The following GNE variants were observed in gnomAD, a reference collection of about 807,000 sequenced individuals.
GNE encodes the protein glucosamine (UDP-N-acetyl)-2-epimerase/N-acetylmannosamine kinase.
Under a neutral mutation model 61.8 loss-of-function variants are expected in GNE, and 41 were observed. That is an observed-to-expected ratio of 0.66 (90% CI 0.52 to 0.86). The LOEUF is 0.86. Ranked by LOEUF, GNE falls within the 40% of genes least tolerant of loss-of-function variation. The pLI is 0.00. For synonymous variants in GNE, 264 were observed against 326.4 expected (o/e 0.81, Z 2.06); for missense variants, 608 against 909.1 (o/e 0.67, Z 4.26).
At chr9:36,245,459 C>T (rs754013134) in intron 3 of GNE, among the ~76,000 whole-genome samples, 3 of 151,714 alleles carry the variant, frequency 2.0e-5, no homozygotes, top group Non-Finnish European at 2.9e-5. Flanking sequence ...CCAAGGTGGG[C>T]GGATCACTTG....
intron 1 of GNE, among the ~76,000 whole-genome samples, chr9:36,270,516 C>CTTTTT (rs1172459956): frequency 4.6e-5 from 6 of 131,676 alleles, no homozygotes; most frequent in Non-Finnish European, 6.4e-5. Flanking sequence ...GGATTTCTTT[C>CTTTTT]TTTTTTTTTT....
Position 36,246,419 on chromosome 9 carries a change from CACA to C in GNE, c.225_227del (p.Ile75_Val76delinsMet), listed in dbSNP as rs1156580753. The C allele has an allele frequency of 1.9e-6, 3 of 1,613,796 alleles. No individual in the cohort carries two copies. The highest frequency in any genetic ancestry group is 2.7e-5 in the African/African-American group (2 of 74,918). ...CCATGGCTGCCTCATCTTCTCCCCT[CACA>C]ATTGTGTGTAGCCTGGTGTTAATGT... On this transcript the variant is annotated inframe_deletion, in exon 3 of 12. Transcript: ENST00000642385.
intron 1 of GNE, among the ~76,000 whole-genome samples, chr9:36,273,686 C>G (rs938059276): frequency 1.4e-5 from 2 of 146,290 alleles, no homozygotes; most frequent in African/African-American, 5.1e-5. Context: ...GAGACAGAGT[C>G]TCACTCTGTT....
chr9:36,274,067 A>G (rs1014884480), intron 1 of GNE, among the ~76,000 whole-genome samples: 2 of 128,786 alleles, frequency 1.6e-5, no homozygotes, highest in African/African-American at 6.0e-5. Flanking sequence ...GGTCTATGGT[A>G]CTGTGTGTGT....
At chr9:36,237,662 G>A (rs1246403118) in intron 3 of GNE, among the ~76,000 whole-genome samples, 1 of 151,182 alleles carries the variant, frequency 6.6e-6, no homozygotes, top group Non-Finnish European at 1.5e-5. Flanking sequence ...TTTTAATTAA[G>A]TTTATTTATT....
At chr9:36,260,884 A>C (rs943535246), upstream of GNE, among the ~76,000 whole-genome samples, 15 of 150,760 alleles carry the variant, frequency 9.9e-5, no homozygotes, top group South Asian at 8.4e-4. Flanking sequence ...AAAAAAAAAA[A>C]AAAAAAAAAA....
At chr9:36,265,304 C>G in intron 1 of GNE, 1 of 439,164 alleles carries the variant, frequency 2.3e-6, no homozygotes, top group Non-Finnish European at 4.6e-6. Flanking sequence ...GGCCAAGAAC[C>G]CCAGGTCAGA....
intron 7 of GNE, 75 bp from the exon 8 acceptor site, chr9:36,223,577 C>T (rs958431458): frequency 1.1e-5 from 17 of 1,480,912 alleles, no homozygotes; most frequent in Non-Finnish European, 1.5e-5. Context: ...TGATCTTTTT[C>T]ATGACAAATT....
chr9:36,217,874 C>T (rs948540784), intron 11 of GNE, among the ~76,000 whole-genome samples: 2 of 152,198 alleles, frequency 1.3e-5, no homozygotes, highest in Non-Finnish European at 2.9e-5. Flanking sequence ...TAGTTGATAC[C>T]TCCAAATGGG....
At chr9:36,265,952 C>G (rs914044615) in intron 1 of GNE, among the ~76,000 whole-genome samples, 2 of 151,814 alleles carry the variant, frequency 1.3e-5, no homozygotes, top group Admixed American at 6.6e-5. Flanking sequence ...TTTTTTGAGA[C>G]GGAGTCTCAC....
rs1828253133 is a variant in GNE at position 36,215,958 on chromosome 9, AG to A, written c.*1406del. ...TTTGGGACAGTTAATCTCCTTTTAA[AG>A]GCTCTAAGTCCCAGTGGCTTCTCAG... On this transcript the variant is annotated 3_prime_UTR_variant, in exon 12 of 12. Coordinates refer to ENST00000642385, the MANE Select transcript of GNE (RefSeq NM_005476.7). 1.4e-5 allele frequency: 3 copies of A among 215,738 alleles called. No homozygotes were observed. Among genetic ancestry groups the A allele is most frequent in the East Asian group, 2.6e-4 (2 of 7,822 alleles). The allele number at this position is 215,738 out of a possible 1,614,324, so 13.4% of individuals were successfully genotyped here. A position where few individuals can be genotyped will look rare whatever the true frequency, so the allele number is the denominator to read the frequency against.
At chr9:36,260,784 G>T (rs1830586176), upstream of GNE, among the ~76,000 whole-genome samples, 1 of 148,904 alleles carries the variant, frequency 6.7e-6, no homozygotes, top group Non-Finnish European at 1.5e-5. Flanking sequence ...CAGGAGAATG[G>T]CGTGAACCTG....
At chr9:36,252,083 T>G (rs1830126804) in intron 1 of GNE, among the ~76,000 whole-genome samples, 1 of 151,458 alleles carries the variant, frequency 6.6e-6, no homozygotes, top group Admixed American at 6.6e-5. Context: ...CCTCCTGGGT[T>G]CAAGCAATTC....
chr9:36,274,761 CG>C (rs1391660544), intron 1 of GNE, among the ~76,000 whole-genome samples: 5 of 150,380 alleles, frequency 3.3e-5, no homozygotes, highest in African/African-American at 1.2e-4. Context: ...CTCGCTCTGT[CG>C]CCCAGGCTGG....
At chr9:36,240,617 TTTG>T (rs1383948963) in intron 3 of GNE, among the ~76,000 whole-genome samples, 1 of 152,188 alleles carries the variant, frequency 6.6e-6, no homozygotes, top group African/African-American at 2.4e-5. Context: ...TGTTGTTTTT[TTTG>T]TTATGTCCTT....
At chr9:36,258,019 C>T (rs1201649066) in intron 1 of GNE, among the ~76,000 whole-genome samples, 1 of 152,028 alleles carries the variant, frequency 6.6e-6, no homozygotes, top group Non-Finnish European at 1.5e-5. Flanking sequence ...AGTCAGCATC[C>T]CCCCTGATTG....
intron 1 of GNE, among the ~76,000 whole-genome samples, chr9:36,269,568 T>C (rs757287265): frequency 3.3e-5 from 5 of 152,144 alleles, no homozygotes; most frequent in Non-Finnish European, 7.3e-5. Flanking sequence ...CATGGAGTCA[T>C]ATTTTAATCT....
Position 36,222,879 on chromosome 9 carries a change from G to A in GNE, c.1531C>T (p.Pro511Ser), listed in dbSNP as rs966918577. Residue 511 changes from proline to serine, a missense_variant, in exon 9 of 12, where the codon CCT (proline) becomes TCT (serine). Physicochemically the swap from Pro to Ser is moderately conservative, Grantham distance 74. Transcript: ENST00000642385. ...TTGCCATCATTGTCTACCCACACAG[G>A]GAGATGCAAAGTGTCAGAAAGGGGG... The part of the protein sequence containing the change: ...RTPLSDTLHL[P>S]VWVDNDGNCA... 6.2e-7 allele frequency: 1 copy of A among 1,614,022 alleles called. No homozygotes were observed. The highest frequency in any genetic ancestry group is 2.2e-5 in the East Asian group (1 of 44,904).
chr9:36,276,274 G>C (rs1322923535), intron 1 of GNE, among the ~76,000 whole-genome samples: 1 of 152,122 alleles, frequency 6.6e-6, no homozygotes, highest in African/African-American at 2.4e-5. Flanking sequence ...CTGTGATGAT[G>C]ATTTCCTAAA....
Sources: gnomAD v4.1 joint callset for allele counts (sites outside exome capture counted in the v4.1 genomes callset) on GRCh38, gnomAD v4.1.1 for gene constraint, MANE v1.5 for transcripts, NCBI Gene and HGNC (gene_info 2026-07-23, HGNC 2026-07-21) for gene names.